The following MAGOHB variants were observed in gnomAD, a reference collection of about 807,000 sequenced individuals.
The protein encoded by MAGOHB is mago homolog B, exon junction complex subunit, also known as protein mago nashi homolog 2.
Under a neutral mutation model 20.9 loss-of-function variants are expected in MAGOHB, and 15 were observed. That is an observed-to-expected ratio of 0.72 (90% CI 0.48 to 1.11). The LOEUF is 1.11. Ranked by LOEUF, MAGOHB falls within the 50% of genes least tolerant of loss-of-function variation. The pLI, the probability that MAGOHB is intolerant of heterozygous loss-of-function variation, is 0.00. For missense variants in MAGOHB, 162 were observed against 177.6 expected (o/e 0.91, Z 0.50); for synonymous variants, 50 against 57.9 (o/e 0.86, Z 0.62).
chr12:10,601,974 T>A (rs1378901628), downstream of MAGOHB, among the ~76,000 whole-genome samples: 1 of 152,194 alleles, frequency 6.6e-6, no homozygotes. Context: ...AGGTTCTCTA[T>A]CCTGCCATGA....
intron 1 of MAGOHB, chr12:10,612,989 C>T (rs745406779): frequency 1.6e-6 from 2 of 1,257,250 alleles, no homozygotes; most frequent in South Asian, 2.5e-5. Context: ...CTATGGTGAA[C>T]AATTACACGT....
At chr12:10,612,337 G>T (rs1200853820) in intron 1 of MAGOHB, among the ~76,000 whole-genome samples, 1 of 152,174 alleles carries the variant, frequency 6.6e-6, no homozygotes, top group African/African-American at 2.4e-5. Flanking sequence ...GGGGGAGGTT[G>T]CAGTGAGCTG....
Position 10,613,561 on chromosome 12 carries a change from G to C in MAGOHB, c.-29C>G. 1 of 1,495,690 alleles carries C rather than the reference G, an allele frequency of 6.7e-7. No individual in the cohort carries two copies. Among genetic ancestry groups the C allele is most frequent in the Non-Finnish European group, 9.3e-7 (1 of 1,072,042 alleles). 92.7% of individuals were successfully genotyped at this position (1,495,690 alleles called of 1,614,324 possible). A position where few individuals can be genotyped will look rare whatever the true frequency, so the allele number is the denominator to read the frequency against. On this transcript the variant is annotated 5_prime_UTR_variant, in exon 1 of 5. Transcript: ENST00000320756. ...TGTACCCGGGAAGCCCGCCGAAAAC[G>C]CAGCCAACGTGTCCCCCGGCGCCTT...
chr12:10,610,525 T>A, intron 2 of MAGOHB, 97 bp downstream of exon 2: 1 of 1,336,940 alleles, frequency 7.5e-7, no homozygotes. Context: ...CAATATAGCC[T>A]TAGATGTACT....
At chr12:10,602,315 A>C (rs1011288530), downstream of MAGOHB, among the ~76,000 whole-genome samples, 1 of 152,256 alleles carries the variant, frequency 6.6e-6, no homozygotes, top group Non-Finnish European at 1.5e-5. Flanking sequence ...AAAGGAACTG[A>C]CTATAAAATC....
At chr12:10,611,944 G>T (rs1226596563) in intron 1 of MAGOHB, among the ~76,000 whole-genome samples, 3 of 151,946 alleles carry the variant, frequency 2.0e-5, no homozygotes, top group African/African-American at 7.3e-5. Context: ...AAGCTTGATG[G>T]TGTTCGCAGG....
chr12:10,601,041 T>C (rs1043397035), downstream of MAGOHB, among the ~76,000 whole-genome samples: 1 of 152,174 alleles, frequency 6.6e-6, no homozygotes, highest in Admixed American at 6.5e-5. Flanking sequence ...CATTTTCTTC[T>C]TTCCCTCCAT....
rs755264383 is a variant in MAGOHB at position 10,613,559 on chromosome 12, A to C, written c.-27T>G. ...TTTGTACCCGGGAAGCCCGCCGAAA[A>C]CGCAGCCAACGTGTCCCCCGGCGCC... On this transcript the variant is annotated 5_prime_UTR_variant, in exon 1 of 5. Transcript: ENST00000320756. 6.0e-6 allele frequency: 9 copies of C among 1,498,900 alleles called. No homozygotes were observed. The East Asian group carries it at 2.0e-4, about 34-fold the overall frequency. The allele number at this position is 1,498,900 out of a possible 1,614,324, so 92.9% of individuals were successfully genotyped here. A position where few individuals can be genotyped will look rare whatever the true frequency, so the allele number is the denominator to read the frequency against.
chr12:10,603,059 T>G (rs1565548164), downstream of MAGOHB, among the ~76,000 whole-genome samples: 1 of 151,796 alleles, frequency 6.6e-6, no homozygotes, highest in Non-Finnish European at 1.5e-5. Flanking sequence ...GCTCTTATAG[T>G]AAAGAAAAAG....
In MAGOHB at chr12:10,610,617, C is replaced by G; in HGVS notation, c.153+5G>C. 1 of 1,412,378 alleles carries G rather than the reference C, an allele frequency of 7.1e-7. No homozygotes were observed. Among genetic ancestry groups the G allele is most frequent in the Non-Finnish European group, 9.4e-7 (1 of 1,061,730 alleles). The allele number at this position is 1,412,378 out of a possible 1,614,324, so 87.5% of individuals were successfully genotyped here. On this transcript the variant is annotated splice_donor_5th_base_variant and intron_variant, in intron 2 of 4. Coordinates refer to ENST00000320756, the MANE Select transcript of MAGOHB (RefSeq NM_018048.5). ...AAAAAAAAAAGACATTCACATAGAA[C>G]TTACCTCTTTTCTGATCATGACATC...
downstream of MAGOHB, chr12:10,604,146 G>A (rs1555145408): frequency 6.6e-6 from 1 of 152,200 alleles, no homozygotes. Flanking sequence ...TCTCATGAAT[G>A]GGGAAGAGGT....
chr12:10,604,526 C>T lies in MAGOHB; in HGVS notation c.*1749G>A, dbSNP rs1392339293. 1 of 152,210 alleles carries T rather than the reference C, an allele frequency of 6.6e-6. No homozygotes were observed. Among genetic ancestry groups the T allele is most frequent in the Non-Finnish European group, 1.5e-5 (1 of 68,038 alleles). 9.4% of individuals were successfully genotyped at this position (152,210 alleles called of 1,614,324 possible). ...TTTCAACGTAAGCACTATTTCTCCT[C>T]AACCTTGTTCAGTTTTTAATGGATC... On this transcript the variant is annotated 3_prime_UTR_variant, in exon 5 of 5. Coordinates refer to ENST00000320756, the MANE Select transcript of MAGOHB (RefSeq NM_018048.5).
At chr12:10,613,371 T>G in intron 1 of MAGOHB, 68 bp downstream of exon 1, 1 of 1,406,732 alleles carries the variant, frequency 7.1e-7, no homozygotes, top group Non-Finnish European at 1.0e-6. Context: ...GCCTGTACCC[T>G]CCACACCACC....
chr12:10,612,023 G>A lies in MAGOHB; in HGVS notation c.95-1343C>T, dbSNP rs115284200. Among the ~76,000 whole-genome samples the A allele has an allele frequency of 7.6e-3, 1,157 of 152,080 alleles. 9 individuals are homozygous for A. The highest frequency in any genetic ancestry group is 0.027 in the African/African-American group (1,100 of 41,484). On this transcript the variant is annotated intron_variant, in intron 1 of 4. Transcript: ENST00000320756. ...AGGTAAATTTAGCTGAATTTATGGG[G>A]ACGGTAAGGTTAAATACAGTGATTA...
At position 10,612,761 on chromosome 12, in the gene MAGOHB, G is replaced by C. The variant is rs73261992; in HGVS notation, c.94+678C>G. 1.8e-4 allele frequency: 220 copies of C among 1,247,294 alleles called. 1 individual carries two copies. The African/African-American group carries it at 2.3e-3, about 13-fold the overall frequency. 77.3% of individuals were successfully genotyped at this position (1,247,294 alleles called of 1,614,324 possible). A position where few individuals can be genotyped will look rare whatever the true frequency, so the allele number is the denominator to read the frequency against. The stretch of plus-strand genomic sequence containing the variant: ...GCAAGATCAATGTAACATTCTCTAA[G>C]GATAGCGCTGTCAGAAAACACACTG... On this transcript the variant is annotated intron_variant, in intron 1 of 4. Coordinates refer to ENST00000320756, the MANE Select transcript of MAGOHB (RefSeq NM_018048.5).
chr12:10,600,447 T>C (rs1367133823), downstream of MAGOHB, among the ~76,000 whole-genome samples: 1 of 152,038 alleles, frequency 6.6e-6, no homozygotes, highest in Non-Finnish European at 1.5e-5. Context: ...TGTCAAAGGG[T>C]ATATGTATTT....
At chr12:10,607,013 T>C (rs1293747288) in intron 4 of MAGOHB, among the ~76,000 whole-genome samples, 1 of 152,180 alleles carries the variant, frequency 6.6e-6, no homozygotes, top group Non-Finnish European at 1.5e-5. Context: ...CAAAAACCAT[T>C]ACCAATTTAT....
intron 1 of MAGOHB, chr12:10,612,552 A>T: frequency 2.1e-6 from 1 of 470,544 alleles, no homozygotes; most frequent in Non-Finnish European, 2.9e-6. Flanking sequence ...TATAGGACTT[A>T]ATATGCATAC....
chr12:10,613,397 G>C (rs1220950549), intron 1 of MAGOHB, 42 bp downstream of exon 1: 2 of 1,565,182 alleles, frequency 1.3e-6, no homozygotes, highest in South Asian at 2.2e-5. Flanking sequence ...TCTCGGTCTC[G>C]CTCCCCTTTC....
Sources: allele counts gnomAD v4.1 joint callset (sites outside exome capture counted in the v4.1 genomes callset), GRCh38; gene constraint gnomAD v4.1.1; transcripts MANE v1.5; gene names NCBI Gene and HGNC (gene_info 2026-07-23, HGNC 2026-07-21).